The following UGT1A10 variants were observed in gnomAD, a reference collection of about 807,000 sequenced individuals.
UGT1A10 encodes the protein UDP glucuronosyltransferase family 1 member A10.
Under a neutral mutation model 45.8 loss-of-function variants are expected in UGT1A10, and 49 were observed. That is an observed-to-expected ratio of 1.07 (90% CI 0.85 to 1.36). The LOEUF (loss-of-function observed/expected upper bound fraction) is 1.36, where lower values mean the gene tolerates loss of function less well. Ranked by LOEUF, UGT1A10 falls within the 40% of genes most tolerant of loss-of-function variation. The pLI is 0.00. For missense variants in UGT1A10, 745 were observed against 668.6 expected (o/e 1.11, Z -1.26); for synonymous variants, 284 against 249.7 (o/e 1.14, Z -1.29).
In UGT1A10 at chr2:233,719,944, A is replaced by G. The variant is rs28898612; in HGVS notation, c.856-47090A>G. Among the ~76,000 whole-genome samples, 584 of 152,290 alleles carry G rather than the reference A, an allele frequency of 3.8e-3. 2 individuals are homozygous for G. Among genetic ancestry groups the G allele is most frequent in the African/African-American group, 0.013 (558 of 41,550 alleles). ...ACTCACGGACAGTGTTTGTAAAGGC[A>G]CCATCTTCATGGTTGTGCATGTCCT... On this transcript the variant is annotated intron_variant, in intron 1 of 4. Coordinates refer to ENST00000344644, the MANE Select transcript of UGT1A10 (RefSeq NM_019075.4).
intron 1 of UGT1A10, chr2:233,753,518 C>T (rs1032528502): frequency 5.9e-5 from 9 of 152,196 alleles, no homozygotes; most frequent in Non-Finnish European, 1.0e-4. Flanking sequence ...AGTTGTTGCC[C>T]TTTTGCTCTC....
intron 1 of UGT1A10, chr2:233,713,718 G>A: frequency 1.2e-6 from 2 of 1,613,904 alleles, no homozygotes; most frequent in Non-Finnish European, 1.7e-6. Flanking sequence ...TCAGAGAGAG[G>A]TGTCAGTGGT....
At chr2:233,682,799 T>C (rs749393372) in intron 1 of UGT1A10, 9 of 1,609,704 alleles carry the variant, frequency 5.6e-6, no homozygotes, top group Middle Eastern at 3.3e-4. Context: ...TATGGTAAGT[T>C]ATCTCCCCTT....
At chr2:233,744,762 A>G (rs1310047679) in intron 1 of UGT1A10, among the ~76,000 whole-genome samples, 12 of 151,872 alleles carry the variant, frequency 7.9e-5, no homozygotes, top group Non-Finnish European at 4.4e-5. Flanking sequence ...AAATAGTTTT[A>G]ACTTTGCAAA....
chr2:233,772,189 A>G, intron 4 of UGT1A10, 73 bp from the exon 5 acceptor site: 1 of 1,597,464 alleles, frequency 6.3e-7, no homozygotes, highest in Non-Finnish European at 8.5e-7. Context: ...CTTCTTAAGC[A>G]GCCATGAGCA....
intron 1 of UGT1A10, chr2:233,729,300 A>G (rs143500969): frequency 9.7e-5 from 156 of 1,614,266 alleles, no homozygotes; most frequent in East Asian, 1.6e-4. Flanking sequence ...GCCACCAGGC[A>G]GTGGTCCTCA....
intron 1 of UGT1A10, among the ~76,000 whole-genome samples, chr2:233,735,242 T>G (rs989843667): frequency 6.6e-6 from 1 of 152,236 alleles, no homozygotes; most frequent in African/African-American, 2.4e-5. Flanking sequence ...CTCTTGTTGT[T>G]GAATTGCTCC....
intron 1 of UGT1A10, among the ~76,000 whole-genome samples, chr2:233,739,652 T>C: frequency 6.6e-6 from 1 of 152,236 alleles, no homozygotes; most frequent in African/African-American, 2.4e-5. Context: ...CCAATTTCTG[T>C]ACCCCCATTG....
At chr2:233,705,684 C>T (rs760465489) in intron 1 of UGT1A10, among the ~76,000 whole-genome samples, 4 of 152,274 alleles carry the variant, frequency 2.6e-5, no homozygotes, top group African/African-American at 9.6e-5. Context: ...ATATTCACAA[C>T]GACTGGTATA....
At chr2:233,747,247 C>T in intron 1 of UGT1A10, 1 of 1,601,894 alleles carries the variant, frequency 6.2e-7, no homozygotes, top group Non-Finnish European at 8.5e-7. Context: ...CCTGCTGTGG[C>T]TGGCCACAGG....
intron 1 of UGT1A10, among the ~76,000 whole-genome samples, chr2:233,725,759 T>G (rs1335520276): frequency 6.6e-6 from 1 of 152,194 alleles, no homozygotes; most frequent in Non-Finnish European, 1.5e-5. Context: ...GACTTACATT[T>G]TCTTCACATA....
intron 1 of UGT1A10, among the ~76,000 whole-genome samples, chr2:233,660,827 T>C (rs1227684451): frequency 1.3e-5 from 2 of 152,184 alleles, no homozygotes; most frequent in Non-Finnish European, 2.9e-5. Context: ...CTTCTCTTCA[T>C]GGGGTCTGGG....
intron 1 of UGT1A10, among the ~76,000 whole-genome samples, chr2:233,736,837 T>TC (rs1251253473): frequency 1.3e-5 from 2 of 152,214 alleles, no homozygotes. Flanking sequence ...TGCTTTGGTA[T>TC]CACCAGTGGA....
chr2:233,663,210 AT>A (rs1422743486), intron 1 of UGT1A10, among the ~76,000 whole-genome samples: 2 of 152,194 alleles, frequency 1.3e-5, no homozygotes, highest in African/African-American at 4.8e-5. Context: ...CAGAGTCAAT[AT>A]AACAAGACAG....
chr2:233,710,730 G>T (rs192565787), intron 1 of UGT1A10, among the ~76,000 whole-genome samples: 1 of 152,102 alleles, frequency 6.6e-6, no homozygotes, highest in Non-Finnish European at 1.5e-5. Flanking sequence ...AAAAAACAAC[G>T]TCTTTCAAGG....
At chr2:233,755,368 G>A in intron 1 of UGT1A10, 1 of 361,208 alleles carries the variant, frequency 2.8e-6, no homozygotes, top group Non-Finnish European at 5.3e-6. Flanking sequence ...GGGCCGCCTG[G>A]AGGGCCGCCC....
chr2:233,747,198 C>T (rs375624902), intron 1 of UGT1A10: 21 of 1,604,164 alleles, frequency 1.3e-5, no homozygotes, highest in Non-Finnish European at 1.8e-5. Context: ...GTCAGCTGTC[C>T]GTGTCTTCTG....
intron 1 of UGT1A10, among the ~76,000 whole-genome samples, chr2:233,670,612 A>G (rs752947212): frequency 7.9e-5 from 12 of 152,182 alleles, no homozygotes; most frequent in Non-Finnish European, 1.5e-4. Context: ...ATCTCCATCA[A>G]GTCATCTTCT....
chr2:233,667,051 G>T (rs1291060604), intron 1 of UGT1A10, among the ~76,000 whole-genome samples: 2 of 152,076 alleles, frequency 1.3e-5, no homozygotes, highest in Non-Finnish European at 2.9e-5. Flanking sequence ...GTCTATCATT[G>T]TTGGACATTT....
Sources: allele counts gnomAD v4.1 joint callset (sites outside exome capture counted in the v4.1 genomes callset), GRCh38; gene constraint gnomAD v4.1.1; transcripts MANE v1.5; gene names NCBI Gene and HGNC (gene_info 2026-07-23, HGNC 2026-07-21).